The following PXDNL variants were observed in gnomAD, a reference collection of about 807,000 sequenced individuals.
The protein encoded by PXDNL is probable oxidoreductase PXDNL.
A neutral mutation model predicts 150.8 loss-of-function variants in PXDNL; 145 were observed. The ratio of observed to expected loss-of-function variants is 0.96; its 90% CI spans 0.84 to 1.10. The LOEUF is 1.10. Among genes scored for constraint, PXDNL ranks in the 50% least tolerant of loss-of-function variants. The pLI is 0.00. For missense variants in PXDNL, 2,087 were observed against 1,873.9 expected, an observed-to-expected ratio of 1.11 and a Z score of -2.10; for synonymous variants, 757 against 725.7, an observed-to-expected ratio of 1.04 and a Z score of -0.69.
intron 1 of PXDNL, among the ~76,000 whole-genome samples, chr8:51,784,264 G>T (rs1317771054): frequency 1.3e-5 from 2 of 152,186 alleles, no homozygotes; most frequent in African/African-American, 4.8e-5. Flanking sequence ...ATTTGTTAAT[G>T]TGTGAAAGAT....
At chr8:51,805,077 T>C (rs1481260169) in intron 1 of PXDNL, among the ~76,000 whole-genome samples, 1 of 151,894 alleles carries the variant, frequency 6.6e-6, no homozygotes, top group Non-Finnish European at 1.5e-5. Flanking sequence ...TTCAGTTTCA[T>C]TTCTCTCCCC....
chr8:51,597,069 G>A (rs564418055), intron 2 of PXDNL, among the ~76,000 whole-genome samples: 1 of 152,294 alleles, frequency 6.6e-6, no homozygotes, highest in South Asian at 2.1e-4. Context: ...TCCATCTTGA[G>A]TTAATGTTTG....
chr8:51,559,535 C>G (rs1812677471), intron 3 of PXDNL, among the ~76,000 whole-genome samples: 1 of 151,902 alleles, frequency 6.6e-6, no homozygotes, highest in South Asian at 2.1e-4. Flanking sequence ...TACCACAAAA[C>G]CAGAGAAAGA....
intron 10 of PXDNL, among the ~76,000 whole-genome samples, chr8:51,450,347 G>A (rs527773066): frequency 6.6e-6 from 1 of 152,122 alleles, no homozygotes; most frequent in South Asian, 2.1e-4. Flanking sequence ...CTCATCCTGT[G>A]ACTAAAAATA....
chr8:51,595,830 GA>G (rs71910215), intron 2 of PXDNL, among the ~76,000 whole-genome samples: 55,394 of 151,126 alleles, frequency 0.37, 12,226 homozygotes, highest in African/African-American at 0.6. Flanking sequence ...AAAACTGTAG[GA>G]AAAAAAAAGA....
intron 3 of PXDNL, among the ~76,000 whole-genome samples, chr8:51,567,056 T>C (rs1167289585): frequency 6.6e-6 from 1 of 151,890 alleles, no homozygotes; most frequent in African/African-American, 2.4e-5. Context: ...CTTATAAATG[T>C]GTTTAATCTA....
At chr8:51,781,468 T>TA (rs2037414428) in intron 1 of PXDNL, among the ~76,000 whole-genome samples, 1 of 152,220 alleles carries the variant, frequency 6.6e-6, no homozygotes, top group Non-Finnish European at 1.5e-5. Flanking sequence ...TGCATGGAGA[T>TA]ACATCAGCTT....
rs554358666 is a variant in PXDNL, at chr8:51,475,666, G to T, written c.525-525C>A. 1.2e-4 allele frequency among the ~76,000 whole-genome samples: 18 copies of T among 152,176 alleles called. 1 individual carries two copies. In the South Asian group the frequency reaches 3.7e-3, roughly 32 times the overall value. On this transcript the variant is annotated intron_variant, in intron 6 of 22. Coordinates refer to ENST00000356297, the MANE Select transcript of PXDNL (RefSeq NM_144651.5). ...TATTCTAGATTCAGGGGGTACATAT[G>T]CAGTTTGTTACCTGGGTATATTGCA...
intron 5 of PXDNL, among the ~76,000 whole-genome samples, chr8:51,489,136 T>C (rs1207036855): frequency 6.6e-6 from 1 of 152,162 alleles, no homozygotes; most frequent in African/African-American, 2.4e-5. Context: ...ATCCAGATGA[T>C]CTAATATTCA....
rs549360501 is a variant in PXDNL at position 51,669,090 on chromosome 8, T to C, written c.165-14330A>G. On this transcript the variant is annotated intron_variant, in intron 1 of 22. Coordinates refer to ENST00000356297, the MANE Select transcript of PXDNL (RefSeq NM_144651.5). ...CAATGAATTAATGAATAATAATGAA[T>C]GAATACATTAAAATGTCAACTTATT... Among the ~76,000 whole-genome samples, 24 of 152,330 alleles carry C rather than the reference T, an allele frequency of 1.6e-4. No homozygotes were observed. The East Asian group carries it at 4.0e-3, about 26-fold the overall frequency.
chr8:51,792,075 T>C (rs1053925676), intron 1 of PXDNL, among the ~76,000 whole-genome samples: 2 of 151,400 alleles, frequency 1.3e-5, no homozygotes, highest in Non-Finnish European at 2.9e-5. Flanking sequence ...GTGGAAAACA[T>C]TGAGTTTTAC....
intron 2 of PXDNL, among the ~76,000 whole-genome samples, chr8:51,602,902 G>A (rs916417654): frequency 1.3e-5 from 2 of 149,932 alleles, no homozygotes; most frequent in African/African-American, 4.9e-5. Context: ...TTTGGATTTT[G>A]TATCATACTT....
intron 4 of PXDNL, among the ~76,000 whole-genome samples, chr8:51,513,216 G>T (rs1372273350): frequency 1.3e-5 from 2 of 152,224 alleles, no homozygotes; most frequent in African/African-American, 4.8e-5. Context: ...ATGCCCACAG[G>T]TGAGGCTGTG....
At chr8:51,348,090 T>C (rs1218322572) in intron 19 of PXDNL, among the ~76,000 whole-genome samples, 1 of 152,222 alleles carries the variant, frequency 6.6e-6, no homozygotes, top group East Asian at 1.9e-4. Context: ...GGATAAGGCA[T>C]GGTTCCTGAT....
At chr8:51,584,309 T>C (rs781576764) in intron 3 of PXDNL, among the ~76,000 whole-genome samples, 1 of 152,176 alleles carries the variant, frequency 6.6e-6, no homozygotes, top group Non-Finnish European at 1.5e-5. Flanking sequence ...CACCCCACTC[T>C]GTAAGGCAGG....
At chr8:51,730,400 A>G (rs1455826934) in intron 1 of PXDNL, among the ~76,000 whole-genome samples, 1 of 152,232 alleles carries the variant, frequency 6.6e-6, no homozygotes, top group Non-Finnish European at 1.5e-5. Flanking sequence ...TATCATTGCT[A>G]TATTTTCATA....
chr8:51,490,657 CACATATAT>C (rs1238709519), intron 5 of PXDNL, among the ~76,000 whole-genome samples: 1 of 148,706 alleles, frequency 6.7e-6, no homozygotes, highest in African/African-American at 2.5e-5. Context: ...CATATATATA[CACATATAT>C]ACATATATAT....
chr8:51,777,764 G>T (rs900668989), intron 1 of PXDNL, among the ~76,000 whole-genome samples: 5 of 152,114 alleles, frequency 3.3e-5, no homozygotes, highest in South Asian at 4.1e-4. Context: ...TTAGCCAGGC[G>T]TGGTAGTGGG....
At chr8:51,426,840 CTG>C in intron 12 of PXDNL, 82 bp from the exon 13 acceptor site, 1 of 760,048 alleles carries the variant, frequency 1.3e-6, no homozygotes, top group Non-Finnish European at 2.2e-6. Flanking sequence ...AGGTATGAAC[CTG>C]AATGCCATAT....
Sources: gnomAD v4.1 joint callset for allele counts (sites outside exome capture counted in the v4.1 genomes callset) on GRCh38, gnomAD v4.1.1 for gene constraint, MANE v1.5 for transcripts, NCBI Gene and HGNC (gene_info 2026-07-23, HGNC 2026-07-21) for gene names.